FAF1: variants seen among roughly 807,000 people sequenced by gnomAD.
FAF1 encodes FAS-associated factor 1.
Under a neutral mutation model 92.5 loss-of-function variants are expected in FAF1, and 25 were observed. That is an observed-to-expected ratio of 0.27 (90% CI 0.20 to 0.38). The LOEUF is 0.38. FAF1 is among the 10% of genes least tolerant of loss of function. The probability of loss-of-function intolerance (pLI) is 1.00; values close to 1 mark genes in which losing one functional copy is unlikely to be tolerated. For synonymous variants in FAF1, 234 were observed against 273.2 expected (o/e 0.86, Z 1.42); for missense variants, 636 against 793.3 (o/e 0.80, Z 2.38).
intron 15 of FAF1, among the ~76,000 whole-genome samples, chr1:50,497,837 C>T (rs530182717): frequency 9.2e-5 from 14 of 151,926 alleles, no homozygotes; most frequent in Middle Eastern, 3.4e-3. Context: ...TGTGTGCCAC[C>T]GCGCCCGGGC....
chr1:50,538,310 C>T (rs1189059065), intron 14 of FAF1, among the ~76,000 whole-genome samples: 1 of 151,940 alleles, frequency 6.6e-6, no homozygotes, highest in Non-Finnish European at 1.5e-5. Context: ...TTACCCATAC[C>T]TCCCATTGTG....
In FAF1 at chr1:50,800,551, G is replaced by C. The variant is rs115131550; in HGVS notation, c.161+1080C>G. 8.4e-3 allele frequency among the ~76,000 whole-genome samples: 1,285 copies of C among 152,234 alleles called. 18 individuals carry two copies. Among genetic ancestry groups the C allele is most frequent in the African/African-American group, 0.03 (1,241 of 41,522 alleles). On this transcript the variant is annotated intron_variant, in intron 3 of 18. Transcript: ENST00000396153. ...CTAGAAATCTGCCACATTTACTCTG[G>C]ATGAAAATCTTTCTGACAGTTTAGA...
chr1:50,779,538 T>A (rs193145803), intron 4 of FAF1, among the ~76,000 whole-genome samples: 1 of 151,944 alleles, frequency 6.6e-6, no homozygotes, highest in Middle Eastern at 3.4e-3. Context: ...CCTGTATATA[T>A]TGATATCTAA....
At chr1:50,706,459 A>G (rs1418229281) in intron 6 of FAF1, among the ~76,000 whole-genome samples, 2 of 152,190 alleles carry the variant, frequency 1.3e-5, no homozygotes, top group East Asian at 3.9e-4. Context: ...AATCATAGCA[A>G]CATTTTGTAA....
chr1:50,774,134 G>C (rs1660870837), intron 4 of FAF1, among the ~76,000 whole-genome samples: 1 of 152,132 alleles, frequency 6.6e-6, no homozygotes, highest in East Asian at 1.9e-4. Flanking sequence ...TTTGCAGGTA[G>C]ACTAAACAAT....
At chr1:50,629,488 GGAA>G (rs1653663952) in intron 8 of FAF1, among the ~76,000 whole-genome samples, 1 of 152,002 alleles carries the variant, frequency 6.6e-6, no homozygotes. Flanking sequence ...GATTCTTTAA[GGAA>G]AATCTCTGAC....
intron 6 of FAF1, among the ~76,000 whole-genome samples, chr1:50,729,698 C>T (rs1658836539): frequency 6.6e-6 from 1 of 151,094 alleles, no homozygotes; most frequent in Non-Finnish European, 1.5e-5. Context: ...TGAGCCACTG[C>T]ACCAAAGCTA....
chr1:50,531,157 T>A (rs1328136392), intron 15 of FAF1, among the ~76,000 whole-genome samples: 2 of 152,196 alleles, frequency 1.3e-5, no homozygotes, highest in Non-Finnish European at 2.9e-5. Context: ...TAATGTATTC[T>A]TAGAATTCCT....
At chr1:50,491,882 T>C (rs1362504938) in intron 15 of FAF1, 81 bp from the exon 16 acceptor site, 2 of 986,496 alleles carry the variant, frequency 2.0e-6, no homozygotes, top group Non-Finnish European at 3.1e-6. Flanking sequence ...TGGTAATCCC[T>C]TTTTTATTCC....
At chr1:50,480,892 G>A (rs1372916359) in intron 17 of FAF1, among the ~76,000 whole-genome samples, 2 of 152,176 alleles carry the variant, frequency 1.3e-5, no homozygotes, top group African/African-American at 4.8e-5. Flanking sequence ...CTCCGTGTGT[G>A]TTACTGCCCC....
chr1:50,858,597 A>AC (rs969474965), intron 1 of FAF1, among the ~76,000 whole-genome samples: 4 of 151,810 alleles, frequency 2.6e-5, no homozygotes, highest in African/African-American at 9.7e-5. Flanking sequence ...CTCATTAATA[A>AC]TTTTTCCTCT....
intron 13 of FAF1, among the ~76,000 whole-genome samples, chr1:50,562,852 G>C (rs765943540): frequency 6.6e-6 from 1 of 152,024 alleles, no homozygotes; most frequent in Non-Finnish European, 1.5e-5. Flanking sequence ...TGCATCTGTG[G>C]GTTCTGCATC....
chr1:50,732,219 C>T (rs539605062), intron 6 of FAF1, among the ~76,000 whole-genome samples: 26 of 152,094 alleles, frequency 1.7e-4, no homozygotes, highest in South Asian at 1.0e-3. Context: ...GGACTACAGG[C>T]GCCCGCCACC....
chr1:50,475,926 A>T (rs1316290781), intron 17 of FAF1, among the ~76,000 whole-genome samples: 1 of 152,208 alleles, frequency 6.6e-6, no homozygotes, highest in Non-Finnish European at 1.5e-5. Flanking sequence ...AATATATAGG[A>T]AACTACACAG....
rs889717105 is a variant in FAF1 at position 50,437,925 on chromosome 1, A to T, written c.*3515T>A. ...GTAATCCCAGCTACTTGAGAGGCTG[A>T]GGCAGGAGAACTGCTTGAGCCCAGG... On this transcript the variant is annotated 3_prime_UTR_variant, in exon 19 of 19. Coordinates refer to ENST00000396153, the MANE Select transcript of FAF1 (RefSeq NM_007051.3). 1 of 146,100 alleles carries T rather than the reference A, an allele frequency of 6.8e-6. No individual in the cohort carries two copies. Among genetic ancestry groups the T allele is most frequent in the Non-Finnish European group, 1.5e-5 (1 of 66,970 alleles). The allele number at this position is 146,100 out of a possible 1,614,324, so 9.1% of individuals were successfully genotyped here.
intron 1 of FAF1, among the ~76,000 whole-genome samples, chr1:50,936,705 C>G (rs1441318131): frequency 2.0e-5 from 3 of 151,884 alleles, no homozygotes; most frequent in Non-Finnish European, 4.4e-5. Context: ...TAGTGAAAAC[C>G]AAGGAAAGGA....
chr1:50,829,862 T>A (rs1644136563), intron 2 of FAF1, among the ~76,000 whole-genome samples: 1 of 152,218 alleles, frequency 6.6e-6, no homozygotes, highest in Non-Finnish European at 1.5e-5. Context: ...AAGAAAAATA[T>A]CATTGTAAAT....
At chr1:50,885,342 T>TCTCTCTCTCTCC (rs138529130) in intron 1 of FAF1, among the ~76,000 whole-genome samples, 1 of 140,796 alleles carries the variant, frequency 7.1e-6, no homozygotes, top group Non-Finnish European at 1.5e-5. Context: ...TCTCTCTCTC[T>TCTCTCTCTCTCC]CAATATTTGC....
intron 1 of FAF1, among the ~76,000 whole-genome samples, chr1:50,894,894 T>C (rs1644746601): frequency 6.6e-6 from 1 of 151,728 alleles, no homozygotes; most frequent in Non-Finnish European, 1.5e-5. Context: ...GTACCAAATA[T>C]CAAGAGGGAA....
Sources: allele counts gnomAD v4.1 joint callset (sites outside exome capture counted in the v4.1 genomes callset), GRCh38; gene constraint gnomAD v4.1.1; transcripts MANE v1.5; gene names NCBI Gene and HGNC (gene_info 2026-07-23, HGNC 2026-07-21).